NHSL1: variants seen among roughly 807,000 people sequenced by gnomAD.
NHSL1 encodes the protein NHS like 1.
Under a neutral mutation model 95.0 loss-of-function variants are expected in NHSL1, and 48 were observed. That is an observed-to-expected ratio of 0.51 (90% CI 0.40 to 0.64). NHSL1 has a LOEUF of 0.64. NHSL1 is among the 30% of genes least tolerant of loss of function. NHSL1 has a pLI of 0.00. For missense variants in NHSL1, 1,971 were observed against 2,077.7 expected, an observed-to-expected ratio of 0.95 and a Z score of 1.00; for synonymous variants, 783 against 833.9, an observed-to-expected ratio of 0.94 and a Z score of 1.05.
intron 2 of NHSL1, among the ~76,000 whole-genome samples, chr6:138,484,772 C>T (rs1490408312): frequency 6.6e-6 from 1 of 152,104 alleles, no homozygotes; most frequent in Non-Finnish European, 1.5e-5. Context: ...CAAACAACAA[C>T]AAAAAACCTT....
chr6:138,488,419 T>G (rs1779849496), intron 2 of NHSL1, among the ~76,000 whole-genome samples: 3 of 152,232 alleles, frequency 2.0e-5, no homozygotes, highest in Non-Finnish European at 4.4e-5. Context: ...ATTAGTGTAT[T>G]TATTAATTTC....
At chr6:138,544,452 C>A (rs1782703273) in intron 1 of NHSL1, among the ~76,000 whole-genome samples, 1 of 151,800 alleles carries the variant, frequency 6.6e-6, no homozygotes, top group Admixed American at 6.6e-5. Context: ...TCAATTTCAC[C>A]AAATTTGCAC....
At chr6:138,649,527 G>C (rs1292989743) in intron 1 of NHSL1, among the ~76,000 whole-genome samples, 1 of 151,614 alleles carries the variant, frequency 6.6e-6, no homozygotes, top group Admixed American at 6.6e-5. Flanking sequence ...AACTGGACAG[G>C]ACTAGAGACG....
chr6:138,599,973 C>T (rs892648294), intron 1 of NHSL1, among the ~76,000 whole-genome samples: 4 of 151,972 alleles, frequency 2.6e-5, no homozygotes, highest in African/African-American at 7.3e-5. Context: ...GAAACCCCAT[C>T]TCTACTAAAA....
upstream of NHSL1, among the ~76,000 whole-genome samples, chr6:138,573,528 TAAG>T (rs777261695): frequency 2.0e-5 from 3 of 152,328 alleles, no homozygotes; most frequent in East Asian, 1.9e-4. Flanking sequence ...ACTGAGATTT[TAAG>T]AAGAAGGCTC....
Position 138,431,753 on chromosome 6 carries a change from AGG to A in NHSL1, c.2590_2591del (p.Pro864CysfsTer44). The A allele has an allele frequency of 6.4e-7, 1 of 1,551,706 alleles. No individual in the cohort carries two copies. The highest frequency in any genetic ancestry group is 8.7e-7 in the Non-Finnish European group (1 of 1,146,928). On this transcript the variant is annotated frameshift_variant, in exon 6 of 8. Transcript: ENST00000343505. LOFTEE classifies it high-confidence loss of function. The surrounding 1 kb of genome is among the most constrained non-coding windows in gnomAD (Gnocchi z 4.0). ...SQSNTPTALT[P>X]VPVFLKSVSP... is the part of the protein sequence containing the mutation. Reference sequence around the variant, plus strand: ...ACACTGATTTTAAAAACACAGGCACAGGGGTGAGTGCTGTGGGTGTATTCGAC... The same window carrying A: ...ACACTGATTTTAAAAACACAGGCACAGGTGAGTGCTGTGGGTGTATTCGAC...
chr6:138,644,134 T>G (rs1784989265), intron 1 of NHSL1, among the ~76,000 whole-genome samples: 1 of 152,170 alleles, frequency 6.6e-6, no homozygotes, highest in Admixed American at 6.6e-5. Context: ...ATTAGTCATT[T>G]AAAAAGGAAA....
At chr6:138,578,438 G>A (rs1784002763) in intron 1 of NHSL1, among the ~76,000 whole-genome samples, 1 of 152,148 alleles carries the variant, frequency 6.6e-6, no homozygotes, top group Admixed American at 6.5e-5. Flanking sequence ...AACCAAAAAT[G>A]CAACATCTGT....
chr6:138,514,406 T>C (rs1022720551), intron 1 of NHSL1, among the ~76,000 whole-genome samples: 3 of 152,322 alleles, frequency 2.0e-5, no homozygotes, highest in African/African-American at 7.2e-5. Flanking sequence ...CCACAAGGAA[T>C]ACACTCTAAG....
Position 138,555,484 on chromosome 6 carries a change from G to A in NHSL1, c.202+16226C>T, listed in dbSNP as rs570611115. On this transcript the variant is annotated intron_variant, in intron 1 of 6. Transcript: ENST00000427025. ...GACAGCTCTATTAAGTTACTCAACT[G>A]TCTCTAGGGACTTCAGTTCCTAACA... is the stretch of plus-strand genomic sequence containing the variant. Among the ~76,000 whole-genome samples the A allele has an allele frequency of 5.1e-4, 77 of 152,310 alleles. 1 individual carries two copies. The highest frequency in any genetic ancestry group is 1.6e-3 in the African/African-American group (68 of 41,558).
chr6:138,680,798 G>T (rs1785502690), intron 1 of NHSL1, among the ~76,000 whole-genome samples: 1 of 152,068 alleles, frequency 6.6e-6, no homozygotes, highest in Non-Finnish European at 1.5e-5. Flanking sequence ...TGTATTTAAT[G>T]TAGAGACGGG....
chr6:138,510,211 T>C (rs1400299667), intron 1 of NHSL1, among the ~76,000 whole-genome samples: 1 of 152,250 alleles, frequency 6.6e-6, no homozygotes, highest in East Asian at 1.9e-4. Flanking sequence ...CTCAGTTTCC[T>C]GTGATTTCTA....
intron 1 of NHSL1, among the ~76,000 whole-genome samples, chr6:138,645,230 G>A (rs1418536263): frequency 1.3e-5 from 2 of 152,170 alleles, no homozygotes; most frequent in Non-Finnish European, 2.9e-5. Flanking sequence ...TGATCTGACA[G>A]CAATGTGGAC....
intron 1 of NHSL1, among the ~76,000 whole-genome samples, chr6:138,687,523 G>A (rs888223653): frequency 6.6e-6 from 1 of 152,160 alleles, no homozygotes; most frequent in African/African-American, 2.4e-5. Context: ...TGCAAAGACT[G>A]TATTTGCAAA....
chr6:138,578,288 A>G (rs6570243), intron 1 of NHSL1, among the ~76,000 whole-genome samples: 39,999 of 152,150 alleles, frequency 0.26, 8,641 homozygotes, highest in African/African-American at 0.6. Context: ...CACTGTCCCC[A>G]TGGGATCACT....
At chr6:138,548,906 C>T (rs1782902204), upstream of NHSL1, among the ~76,000 whole-genome samples, 1 of 150,558 alleles carries the variant, frequency 6.6e-6, no homozygotes, top group African/African-American at 2.4e-5. Context: ...AGCTACTCTC[C>T]TAAAGTTAAA....
chr6:138,433,221 C>T lies in NHSL1; in HGVS notation c.1124G>A (p.Gly375Glu). The change falls in exon 6 of 8, where the codon GGG (glycine) becomes GAG (glutamate). Residue 375 changes from glycine (G) to glutamate (E), a missense_variant. Physicochemically the swap from Gly to Glu is moderately conservative, Grantham distance 98. This residue lies in a region of NHSL1 where 1,602 missense variants were observed against 1,654.5 expected (regional missense o/e 0.97). Transcript: ENST00000343505. ...ENLGHLGGAS[G>E]TGTLLRPKSQ... ...TTTGGGTCTCAAAAGTGTTCCAGTC[C>T]CTGAGGCACCTCCTAAATGGCCTAA... 6.4e-7 allele frequency: 1 copy of T among 1,551,216 alleles called. No homozygotes were observed. The highest frequency in any genetic ancestry group is 8.7e-7 in the Non-Finnish European group (1 of 1,146,736).
chr6:138,458,480 T>C (rs1244568391), intron 3 of NHSL1, among the ~76,000 whole-genome samples: 1 of 151,854 alleles, frequency 6.6e-6, no homozygotes, highest in Non-Finnish European at 1.5e-5. Flanking sequence ...TCACTTGAGG[T>C]CCGGGGGTTC....
intron 1 of NHSL1, among the ~76,000 whole-genome samples, chr6:138,633,822 T>C (rs557173426): frequency 6.6e-6 from 1 of 152,288 alleles, no homozygotes; most frequent in South Asian, 2.1e-4. Flanking sequence ...ACTACTCTTA[T>C]TCTAAGTAGC....
Sources: gnomAD v4.1 joint callset for allele counts (sites outside exome capture counted in the v4.1 genomes callset) on GRCh38, gnomAD v4.1.1 for gene constraint, gnomAD v4.1.1 regional missense constraint, Gnocchi (gnomAD v3.1) non-coding constraint, MANE v1.5 for transcripts, NCBI Gene and HGNC (gene_info 2026-07-23, HGNC 2026-07-21) for gene names.